TRPM7: variants seen among roughly 807,000 people sequenced by gnomAD.
TRPM7 encodes the protein transient receptor potential cation channel subfamily M member 7, also known as LTRPC ion channel family member 7.
In TRPM7, 134 loss-of-function variants were observed where a neutral mutation model predicts 229.7. The observed-to-expected ratio is 0.58, with a 90% confidence interval of 0.51 to 0.67. TRPM7 has a LOEUF of 0.67. TRPM7 is among the 30% of genes least tolerant of loss of function. The pLI, the probability that TRPM7 is intolerant of heterozygous loss-of-function variation, is 0.00. For missense variants in TRPM7, 1,901 were observed against 2,210.0 expected, an observed-to-expected ratio of 0.86 and a Z score of 2.80; for synonymous variants, 699 against 715.2, an observed-to-expected ratio of 0.98 and a Z score of 0.36.
intron 13 of TRPM7, among the ~76,000 whole-genome samples, chr15:50,615,116 T>C (rs980111928): frequency 7.5e-5 from 10 of 132,992 alleles, no homozygotes; most frequent in African/African-American, 2.9e-4. Flanking sequence ...TGAGCCGAGA[T>C]AGTGCCACCG....
chr15:50,680,867 G>A (rs2140984942), intron 1 of TRPM7, among the ~76,000 whole-genome samples: 1 of 152,284 alleles, frequency 6.6e-6, no homozygotes, highest in African/African-American at 2.4e-5. Context: ...TTAGCCTTGT[G>A]ACCGTTGGCA....
intron 12 of TRPM7, among the ~76,000 whole-genome samples, chr15:50,623,249 T>C (rs2060463200): frequency 6.6e-6 from 1 of 150,946 alleles, no homozygotes; most frequent in Admixed American, 6.6e-5. Flanking sequence ...CCGACTCTAC[T>C]AAAAACACAA....
intron 36 of TRPM7, among the ~76,000 whole-genome samples, chr15:50,572,526 A>T (rs1447348957): frequency 2.0e-5 from 3 of 152,236 alleles, no homozygotes; most frequent in Non-Finnish European, 4.4e-5. Context: ...GTGTAAATTT[A>T]ACTTTTATAT....
At chr15:50,579,488 C>T (rs2054297566) in intron 30 of TRPM7, among the ~76,000 whole-genome samples, 1 of 152,200 alleles carries the variant, frequency 6.6e-6, no homozygotes, top group Admixed American at 6.5e-5. Flanking sequence ...GCTAATCAAT[C>T]ACTCTTTTCT....
intron 1 of TRPM7, among the ~76,000 whole-genome samples, chr15:50,685,711 A>G (rs1437093007): frequency 6.6e-6 from 1 of 152,182 alleles, no homozygotes; most frequent in African/African-American, 2.4e-5. Context: ...GACTTTCTTA[A>G]GAAATCTTCA....
chr15:50,682,383 G>C (rs758553943), intron 1 of TRPM7, among the ~76,000 whole-genome samples: 6 of 151,734 alleles, frequency 4.0e-5, no homozygotes, highest in Non-Finnish European at 5.9e-5. Context: ...ATCGAGACCA[G>C]CCTGGCCAAC....
chr15:50,591,149 T>C (rs1482625022), intron 26 of TRPM7, among the ~76,000 whole-genome samples: 1 of 152,218 alleles, frequency 6.6e-6, no homozygotes, highest in East Asian at 1.9e-4. Flanking sequence ...TATAAATAGG[T>C]ACACCATAAG....
Position 50,574,783 on chromosome 15 carries a change from T to C in TRPM7, c.5020-64A>G, listed in dbSNP as rs2054056726. ...TTAAACTAAGATTATATTTGGCTTA[T>C]TGATATTTCAGAAGTTAAAATATAA... On this transcript the variant is annotated intron_variant, in intron 34 of 38. Coordinates refer to ENST00000646667, the MANE Select transcript of TRPM7 (RefSeq NM_017672.6). 14 of 1,587,684 alleles carry C rather than the reference T, an allele frequency of 8.8e-6. No homozygotes were observed. In the South Asian group the frequency reaches 1.1e-4, roughly 13 times the overall value.
At chr15:50,629,484 A>G (rs1237358548) in intron 10 of TRPM7, among the ~76,000 whole-genome samples, 1 of 144,278 alleles carries the variant, frequency 6.9e-6, no homozygotes, top group East Asian at 1.9e-4. Context: ...AATTGCCCAG[A>G]CTGATCTCAA....
At chr15:50,575,579 C>A in intron 33 of TRPM7, 145 bp downstream of exon 33, 1 of 697,476 alleles carries the variant, frequency 1.4e-6, no homozygotes, top group East Asian at 2.8e-5. Flanking sequence ...TTCAAACATA[C>A]CTCACCCTTG....
At chr15:50,565,851 T>C (rs1361347270) in intron 38 of TRPM7, among the ~76,000 whole-genome samples, 1 of 148,304 alleles carries the variant, frequency 6.7e-6, no homozygotes. Flanking sequence ...TGAGACGGAG[T>C]CTTGCTCTGT....
At chr15:50,606,498 A>G (rs4775893) in intron 20 of TRPM7, among the ~76,000 whole-genome samples, 1 of 151,884 alleles carries the variant, frequency 6.6e-6, no homozygotes, top group African/African-American at 2.4e-5. Context: ...AAAAGACCTA[A>G]CTATTTTATT....
chr15:50,669,352 T>G (rs761365121), intron 1 of TRPM7, among the ~76,000 whole-genome samples: 1 of 151,998 alleles, frequency 6.6e-6, no homozygotes, highest in African/African-American at 2.4e-5. Flanking sequence ...GCAGAACCAC[T>G]TGAACTCAGG....
chr15:50,577,526 C>T (rs916569088), intron 31 of TRPM7, among the ~76,000 whole-genome samples: 1 of 152,108 alleles, frequency 6.6e-6, no homozygotes, highest in Non-Finnish European at 1.5e-5. Context: ...CCTACTCCAG[C>T]CTGGACGACA....
At chr15:50,597,199 G>T (rs1596141910) in intron 22 of TRPM7, among the ~76,000 whole-genome samples, 1 of 152,242 alleles carries the variant, frequency 6.6e-6, no homozygotes, top group East Asian at 1.9e-4. Flanking sequence ...ACCCCTAACT[G>T]AAAAATTTCT....
intron 38 of TRPM7, 48 bp downstream of exon 38, chr15:50,569,839 C>A: frequency 7.7e-7 from 1 of 1,299,932 alleles, no homozygotes; most frequent in South Asian, 1.4e-5. Flanking sequence ...TTGTAGTAAC[C>A]AAGTTTCGTA....
chr15:50,654,216 C>T (rs1198554102), intron 3 of TRPM7, among the ~76,000 whole-genome samples: 2 of 151,662 alleles, frequency 1.3e-5, no homozygotes, highest in Non-Finnish European at 2.9e-5. Flanking sequence ...GAGGCCAAGG[C>T]GGGCGGATCA....
chr15:50,631,534 A>G, intron 9 of TRPM7, 45 bp from the exon 10 acceptor site: 1 of 1,332,536 alleles, frequency 7.5e-7, no homozygotes, highest in Non-Finnish European at 1.1e-6. Flanking sequence ...ATATTTTTAA[A>G]ACAAAGGCAT....
intron 28 of TRPM7, among the ~76,000 whole-genome samples, chr15:50,585,045 TTTGTA>T: frequency 7.4e-6 from 1 of 135,414 alleles, no homozygotes; most frequent in African/African-American, 2.8e-5. Flanking sequence ...CTAGCTAATT[TTTGTA>T]TTTTTTTTTT....
Sources: allele counts gnomAD v4.1 joint callset (sites outside exome capture counted in the v4.1 genomes callset), GRCh38; gene constraint gnomAD v4.1.1; transcripts MANE v1.5; gene names NCBI Gene and HGNC (gene_info 2026-07-23, HGNC 2026-07-21).